The following IPO11 variants were observed in gnomAD, a reference collection of about 807,000 sequenced individuals.
IPO11 encodes the protein importin-11.
IPO11 carries 66 observed loss-of-function variants against 143.2 expected under a neutral mutation model. The observed-to-expected ratio is 0.46, with a 90% CI of 0.38 to 0.57. The LOEUF (loss-of-function observed/expected upper bound fraction) is 0.57, where lower values mean the gene tolerates loss of function less well. Ranked by LOEUF, IPO11 falls within the 20% of genes least tolerant of loss-of-function variation. IPO11 has a pLI of 0.00. For synonymous variants in IPO11, 385 were observed against 377.8 expected, an observed-to-expected ratio of 1.02 and a Z score of -0.22; for missense variants, 1,026 against 1,141.0, an observed-to-expected ratio of 0.90 and a Z score of 1.45.
intron 29 of IPO11, among the ~76,000 whole-genome samples, chr5:62,620,252 C>G (rs1017558630): frequency 1.3e-5 from 2 of 151,808 alleles, no homozygotes; most frequent in Non-Finnish European, 2.9e-5. Flanking sequence ...GGGCGCGATG[C>G]CTCACGCCTG....
At chr5:62,551,941 A>G (rs1207916325) in intron 26 of IPO11, among the ~76,000 whole-genome samples, 1 of 151,934 alleles carries the variant, frequency 6.6e-6, no homozygotes, top group East Asian at 1.9e-4. Context: ...TGGCTAACAC[A>G]GTGAAACCCC....
chr5:62,588,417 A>T (rs1744884851), intron 27 of IPO11, among the ~76,000 whole-genome samples: 1 of 152,002 alleles, frequency 6.6e-6, no homozygotes, highest in African/African-American at 2.4e-5. Flanking sequence ...TTTTTTGTAG[A>T]GACAAGGGTC....
chr5:62,458,598 G>A (rs148532392), intron 5 of IPO11, among the ~76,000 whole-genome samples: 176 of 152,274 alleles, frequency 1.2e-3, no homozygotes, highest in African/African-American at 4.0e-3. Context: ...ACTGCGCCCC[G>A]CCTATATTGG....
chr5:62,450,658 C>G (rs1453771440), intron 4 of IPO11, among the ~76,000 whole-genome samples: 1 of 100,632 alleles, frequency 9.9e-6, no homozygotes, highest in Non-Finnish European at 2.1e-5. Flanking sequence ...AACTTCCCCA[C>G]CATTTAAAAA....
intron 1 of IPO11, chr5:62,418,936 T>G (rs780000068): frequency 4.8e-5 from 72 of 1,494,784 alleles, no homozygotes; most frequent in Non-Finnish European, 6.1e-5. Context: ...CACGAGTTGC[T>G]TAAGGCTGGG....
chr5:62,560,488 T>C (rs1368784377), intron 26 of IPO11, among the ~76,000 whole-genome samples: 1 of 152,230 alleles, frequency 6.6e-6, no homozygotes, highest in Admixed American at 6.5e-5. Context: ...GTCAACTCAT[T>C]GTAAATGTTA....
At chr5:62,460,823 C>A (rs1745331639) in intron 5 of IPO11, among the ~76,000 whole-genome samples, 1 of 152,000 alleles carries the variant, frequency 6.6e-6, no homozygotes, top group Non-Finnish European at 1.5e-5. Flanking sequence ...TTTAGAATCA[C>A]ATGTAGAAAA....
At chr5:62,498,360 C>A (rs931527874) in intron 16 of IPO11, among the ~76,000 whole-genome samples, 4 of 152,154 alleles carry the variant, frequency 2.6e-5, no homozygotes, top group Non-Finnish European at 5.9e-5. Flanking sequence ...CCCTTCCTTT[C>A]CCCTTTATAA....
intron 1 of IPO11, among the ~76,000 whole-genome samples, chr5:62,425,083 T>C (rs1743675388): frequency 2.6e-5 from 4 of 152,200 alleles, no homozygotes; most frequent in Non-Finnish European, 5.9e-5. Context: ...TTTCTCGCAT[T>C]GCATTACTCT....
chr5:62,506,165 A>T (rs948244442), intron 18 of IPO11, 76 bp from the exon 19 acceptor site: 8 of 701,838 alleles, frequency 1.1e-5, no homozygotes, highest in East Asian at 2.6e-5. Flanking sequence ...TTTATTTCTT[A>T]CTTCTGTTCG....
At chr5:62,536,414 T>TATTCATTC (rs33998415) in intron 22 of IPO11, among the ~76,000 whole-genome samples, 6 of 125,818 alleles carry the variant, frequency 4.8e-5, no homozygotes, top group African/African-American at 6.8e-5. Context: ...TTGATACCAG[T>TATTCATTC]ATTCATTCAT....
At chr5:62,436,053 A>G (rs1229526488) in intron 1 of IPO11, among the ~76,000 whole-genome samples, 2 of 152,112 alleles carry the variant, frequency 1.3e-5, no homozygotes. Context: ...TCAAATCTTA[A>G]TCCAACTCTA....
intron 1 of IPO11, 127 bp from the exon 2 acceptor site, chr5:62,437,147 C>G: frequency 1.7e-6 from 1 of 599,506 alleles, no homozygotes; most frequent in East Asian, 3.2e-5. Context: ...GATAGAAAGG[C>G]AGAACATGAA....
chr5:62,572,537 A>G (rs956068053), intron 27 of IPO11, among the ~76,000 whole-genome samples: 11 of 101,878 alleles, frequency 1.1e-4, no homozygotes, highest in Non-Finnish European at 1.6e-4. Flanking sequence ...GTATATGTAT[A>G]TTTGTTTGTT....
rs1465019579 is a variant in IPO11 at position 62,613,344 on chromosome 5, C to A, written c.2763+11496C>A. On this transcript the variant is annotated intron_variant, in intron 29 of 29. Transcript: ENST00000325324. ...TTTGAGGCAGAATCTTATTTTCTCACCCAGTTTGGAGTGCAGTAGTGTGAT... is the reference window on the plus strand; with the variant it reads ...TTTGAGGCAGAATCTTATTTTCTCAACCAGTTTGGAGTGCAGTAGTGTGAT... Among the ~76,000 whole-genome samples, 3 of 104,736 alleles carry A rather than the reference C, an allele frequency of 2.9e-5. No homozygotes were observed. In the East Asian group the frequency reaches 8.9e-4, roughly 31 times the overall value. The allele number at this position is 104,736 out of a possible 152,430, so 68.7% of individuals were successfully genotyped here. A position where few individuals can be genotyped will look rare whatever the true frequency, so the allele number is the denominator to read the frequency against.
At chr5:62,612,984 A>T (rs529656527) in intron 29 of IPO11, among the ~76,000 whole-genome samples, 97 of 152,388 alleles carry the variant, frequency 6.4e-4, no homozygotes, top group African/African-American at 2.2e-3. Context: ...GTGATAGATT[A>T]TACCAAATTG....
intron 27 of IPO11, among the ~76,000 whole-genome samples, chr5:62,573,331 G>A (rs1408778678): frequency 1.3e-5 from 2 of 152,190 alleles, no homozygotes; most frequent in Non-Finnish European, 2.9e-5. Context: ...AGTCATAGAA[G>A]CACTCTATCA....
chr5:62,523,959 AAG>A (rs1488510686), intron 20 of IPO11, among the ~76,000 whole-genome samples: 3 of 152,126 alleles, frequency 2.0e-5, no homozygotes, highest in Non-Finnish European at 4.4e-5. Flanking sequence ...GGACGTTTGA[AAG>A]ATTGTATAGA....
intron 27 of IPO11, chr5:62,579,460 C>T: frequency 1.9e-6 from 3 of 1,550,800 alleles, no homozygotes; most frequent in Non-Finnish European, 2.6e-6. Context: ...ACAGTTTTCT[C>T]TGCCTTGCCT....
Sources: gnomAD v4.1 joint callset for allele counts (sites outside exome capture counted in the v4.1 genomes callset) on GRCh38, gnomAD v4.1.1 for gene constraint, MANE v1.5 for transcripts, NCBI Gene and HGNC (gene_info 2026-07-23, HGNC 2026-07-21) for gene names.